AK7: variants seen among roughly 807,000 people sequenced by gnomAD.
The protein encoded by AK7 is ATP-AMP transphosphorylase 7.
A neutral mutation model predicts 96.6 loss-of-function variants in AK7; 78 were observed. The observed-to-expected ratio is 0.81, with a 90% confidence interval of 0.67 to 0.97. The LOEUF (loss-of-function observed/expected upper bound fraction) is 0.97. Ranked by LOEUF, AK7 falls within the 50% of genes least tolerant of loss-of-function variation. The pLI, the probability that AK7 is intolerant of heterozygous loss-of-function variation, is 0.00. For synonymous variants in AK7, 302 were observed against 317.2 expected (o/e 0.95, Z 0.51); for missense variants, 855 against 887.9 (o/e 0.96, Z 0.47).
At chr14:96,449,590 C>G (rs1180772362) in intron 8 of AK7, among the ~76,000 whole-genome samples, 1 of 152,174 alleles carries the variant, frequency 6.6e-6, no homozygotes. Context: ...CACGCCACCA[C>G]GCCTGGCTAA....
At chr14:96,456,610 G>A (rs1396802004) in intron 11 of AK7, 135 bp downstream of exon 11, 4 of 1,033,214 alleles carry the variant, frequency 3.9e-6, no homozygotes, top group Non-Finnish European at 5.6e-6. Flanking sequence ...AACATCCAAG[G>A]TGTCCTAATC....
At chr14:96,483,764 G>A (rs1479540345) in intron 16 of AK7, among the ~76,000 whole-genome samples, 2 of 152,296 alleles carry the variant, frequency 1.3e-5, no homozygotes, top group East Asian at 1.9e-4. Context: ...ATTAGCAGGT[G>A]TATTAGTAAT....
chr14:96,449,815 A>C lies in AK7; in HGVS notation c.884A>C (p.Asn295Thr). The C allele has an allele frequency of 6.2e-7, 1 of 1,610,784 alleles. No homozygotes were observed. Among genetic ancestry groups the C allele is most frequent in the Non-Finnish European group, 8.5e-7 (1 of 1,178,128 alleles). The part of the protein sequence containing the change: ...LEDIVKCISK[N>T]TGPGKIQKIP... ...TTCCTCTAACAGTGTATCAGTAAAA[A>C]TACTGGCCCTGGGAAAATCCAGAAA... Residue 295 changes from asparagine to threonine, a missense_variant, in exon 9 of 18, where the codon AAT (asparagine) becomes ACT (threonine). Physicochemically the swap from Asn to Thr is moderately conservative, Grantham distance 65. Coordinates refer to ENST00000267584, the MANE Select transcript of AK7 (RefSeq NM_152327.5).
chr14:96,469,911 G>T (rs924050806), intron 12 of AK7, among the ~76,000 whole-genome samples: 1 of 151,986 alleles, frequency 6.6e-6, no homozygotes, highest in Non-Finnish European at 1.5e-5. Flanking sequence ...TCCGCCTCCC[G>T]GGTTCAAGCG....
chr14:96,415,732 A>G (rs1891293123), intron 4 of AK7, among the ~76,000 whole-genome samples: 1 of 150,026 alleles, frequency 6.7e-6, no homozygotes, highest in Non-Finnish European at 1.5e-5. Context: ...AATAAATTTT[A>G]ATACATTAAT....
rs1172036354 is a variant in AK7 at position 96,478,323 on chromosome 14, G to A, written c.1556-142G>A. 3 of 747,374 alleles carry A rather than the reference G, an allele frequency of 4.0e-6. No homozygotes were observed. In the Admixed American group the frequency reaches 7.3e-5, roughly 18 times the overall value. 46.3% of individuals were successfully genotyped at this position (747,374 alleles called of 1,614,324 possible). Reference sequence around the variant, plus strand: ...TGATTTTCATCTATTTATCCTCCATGAGAGGCAGCAAAGCCAATTGGACAG... The same window carrying A: ...TGATTTTCATCTATTTATCCTCCATAAGAGGCAGCAAAGCCAATTGGACAG... On this transcript the variant is annotated intron_variant, in intron 14 of 17. Transcript: ENST00000267584.
intron 10 of AK7, among the ~76,000 whole-genome samples, chr14:96,453,301 G>A (rs1322541484): frequency 1.3e-5 from 2 of 152,198 alleles, no homozygotes; most frequent in Non-Finnish European, 2.9e-5. Flanking sequence ...AACACACAGA[G>A]TAGAAATATG....
chr14:96,437,985 T>C, intron 6 of AK7, 70 bp downstream of exon 6: 1 of 1,429,010 alleles, frequency 7.0e-7, no homozygotes, highest in South Asian at 1.2e-5. Context: ...TTTGAAGGTG[T>C]TTTTGATTGC....
intron 10 of AK7, among the ~76,000 whole-genome samples, chr14:96,454,009 G>T (rs995926967): frequency 6.6e-6 from 1 of 152,002 alleles, no homozygotes; most frequent in Non-Finnish European, 1.5e-5. Context: ...TGACGGGGCC[G>T]CACTCCTCAC....
chr14:96,483,582 C>A (rs116037810), intron 16 of AK7, among the ~76,000 whole-genome samples: 4 of 152,026 alleles, frequency 2.6e-5, no homozygotes, highest in African/African-American at 9.6e-5. Context: ...CCACCAAGCC[C>A]AGCTCATTTT....
intron 7 of AK7, among the ~76,000 whole-genome samples, chr14:96,445,697 A>G (rs1002714399): frequency 6.6e-6 from 1 of 152,206 alleles, no homozygotes; most frequent in Non-Finnish European, 1.5e-5. Flanking sequence ...AAATATAGAA[A>G]AAAAGAAATG....
At chr14:96,454,976 C>G (rs1300754959) in intron 10 of AK7, among the ~76,000 whole-genome samples, 1 of 151,396 alleles carries the variant, frequency 6.6e-6, no homozygotes, top group Non-Finnish European at 1.5e-5. Flanking sequence ...ACCAGCCTGG[C>G]TAACATGGTG....
intron 14 of AK7, among the ~76,000 whole-genome samples, chr14:96,473,129 C>T (rs184354461): frequency 1.3e-5 from 2 of 151,848 alleles, no homozygotes; most frequent in African/African-American, 4.8e-5. Flanking sequence ...CTTTGTTTTC[C>T]CCGGTAACTG....
At chr14:96,415,738 T>C (rs549479178) in intron 4 of AK7, among the ~76,000 whole-genome samples, 1 of 149,450 alleles carries the variant, frequency 6.7e-6, no homozygotes, top group Non-Finnish European at 1.5e-5. Context: ...TTTTAATACA[T>C]TAATTAAATT....
Position 96,456,428 on chromosome 14 carries a change from C to T in AK7, c.1180C>T (p.His394Tyr). The T allele has an allele frequency of 6.2e-7, 1 of 1,613,930 alleles. No individual in the cohort carries two copies. The highest frequency in any genetic ancestry group is 1.1e-5 in the South Asian group (1 of 91,070). ...AKELANYYKL[H>Y]HIQLKDVISE... ...AGAATTGGCCAACTACTACAAACTG[C>T]ATCACATCCAACTGAAGGATGTCAT... The change falls in exon 11 of 18, where the codon CAT (histidine) becomes TAT (tyrosine). Residue 394 changes from histidine (H) to tyrosine (Y), a missense_variant. Physicochemically the swap from His to Tyr is moderately conservative, Grantham distance 83. Transcript: ENST00000267584.
intron 14 of AK7, among the ~76,000 whole-genome samples, chr14:96,473,362 G>A (rs150715874): frequency 5.9e-5 from 9 of 151,500 alleles, no homozygotes; most frequent in Non-Finnish European, 8.8e-5. Context: ...TAGTAGAGAC[G>A]GGGTTTCACC....
At chr14:96,478,425 G>A (rs781280359) in intron 14 of AK7, 40 bp from the exon 15 acceptor site, 26 of 1,605,696 alleles carry the variant, frequency 1.6e-5, no homozygotes, top group Admixed American at 8.3e-5. Context: ...AGTTAGCTGC[G>A]CTGTATTGTG....
Position 96,431,293 on chromosome 14 carries a change from T to C in AK7, c.610-6542T>C, listed in dbSNP as rs150892389. 1.9e-3 allele frequency among the ~76,000 whole-genome samples: 296 copies of C among 152,312 alleles called. 2 individuals carry two copies. The highest frequency in any genetic ancestry group is 6.9e-3 in the African/African-American group (285 of 41,576). On this transcript the variant is annotated intron_variant, in intron 5 of 17. Coordinates refer to ENST00000267584, the MANE Select transcript of AK7 (RefSeq NM_152327.5). ...GCTCTAATCTTAGTTGTTTCTTGTC[T>C]TCTGCTAGCTTTTGAATTTGTTTGC...
At position 96,398,086 on chromosome 14, in the gene AK7, C is replaced by T. The variant is rs1890178642; in HGVS notation, c.117C>T (p.Asn39=). ...SSGNIGKFLS[N]CVVGASLEEI... is the part of the protein sequence containing the mutation. ...CTGTTTCCTTGCAGTTTCTATCTAACTGTGTAGTTGGGGCTTCGCTTGAAG... is the reference window on the plus strand; with the variant it reads ...CTGTTTCCTTGCAGTTTCTATCTAATTGTGTAGTTGGGGCTTCGCTTGAAG... The change falls in exon 2 of 18, where the codon AAC becomes AAT. Residue 39 remains asparagine (N), a synonymous_variant. Transcript: ENST00000267584. 1 of 1,613,800 alleles carries T rather than the reference C, an allele frequency of 6.2e-7. No individual in the cohort carries two copies. The highest frequency in any genetic ancestry group is 8.5e-7 in the Non-Finnish European group (1 of 1,179,990).
Sources: gnomAD v4.1 joint callset for allele counts (sites outside exome capture counted in the v4.1 genomes callset) on GRCh38, gnomAD v4.1.1 for gene constraint, MANE v1.5 for transcripts, NCBI Gene and HGNC (gene_info 2026-07-23, HGNC 2026-07-21) for gene names.